SERPINB5: variants seen among roughly 807,000 people sequenced by gnomAD.
SERPINB5 encodes the protein serpin B5.
In SERPINB5, 27 loss-of-function variants were observed where a neutral mutation model predicts 32.2. The ratio of observed to expected loss-of-function variants is 0.84; its 90% CI spans 0.62 to 1.16. The LOEUF is 1.16. Ranked by LOEUF, SERPINB5 falls within the 50% of genes most tolerant of loss-of-function variation. SERPINB5 has a pLI of 0.00. For missense variants in SERPINB5, 388 were observed against 436.3 expected (o/e 0.89, Z 0.99); for synonymous variants, 154 against 157.4 (o/e 0.98, Z 0.16).
Position 63,499,202 on chromosome 18 carries a change from T to C in SERPINB5, c.650T>C (p.Ile217Thr), listed in dbSNP as rs767375798. ...ATTGACAGTATCAATTGTAAGATCA[T>C]AGAGCTTCCTTTTCAAAATAAGCAT... ...GNIDSINCKI[I>T]ELPFQNKHLS... Residue 217 changes from isoleucine (I) to threonine (T), a missense_variant, in exon 6 of 7, where the codon ATA becomes ACA. Coordinates refer to ENST00000382771, the MANE Select transcript of SERPINB5 (RefSeq NM_002639.5). 3.6e-5 allele frequency: 57 copies of C among 1,602,328 alleles called. No homozygotes were observed. In the South Asian group the frequency reaches 6.3e-4, roughly 18 times the overall value.
At chr18:63,499,059 A>C in intron 5 of SERPINB5, 61 bp from the exon 6 acceptor site, 2 of 739,922 alleles carry the variant, frequency 2.7e-6, no homozygotes, top group Non-Finnish European at 2.0e-6. Flanking sequence ...ATATATATAT[A>C]TATATATATT....
chr18:63,484,741 CTTTTTTT>C lies in SERPINB5; in HGVS notation c.168+161_168+167del, dbSNP rs869236018. On this transcript the variant is annotated intron_variant, in intron 2 of 6. Transcript: ENST00000382771. ...TGTGCCATTCCAGGACTCTCTTAAT[CTTTTTTT>C]TTTTTTTTTTTTTTTGTGAGACAGG... 92 of 108,184 alleles carry C rather than the reference CTTTTTTT, an allele frequency of 8.5e-4. 1 individual carries two copies. The highest frequency in any genetic ancestry group is 1.3e-3 in the South Asian group (7 of 5,392). The allele number at this position is 108,184 out of a possible 1,614,324, so 6.7% of individuals were successfully genotyped here. A position where few individuals can be genotyped will look rare whatever the true frequency, so the allele number is the denominator to read the frequency against.
intron 1 of SERPINB5, among the ~76,000 whole-genome samples, chr18:63,482,790 G>GAT (rs1296435293): frequency 4.0e-5 from 6 of 151,034 alleles, no homozygotes; most frequent in Non-Finnish European, 7.4e-5. Flanking sequence ...ATGAAAACCA[G>GAT]ACACATTTTG....
intron 3 of SERPINB5, among the ~76,000 whole-genome samples, chr18:63,487,712 T>C (rs1917238095): frequency 6.6e-6 from 1 of 152,188 alleles, no homozygotes; most frequent in Admixed American, 6.5e-5. Context: ...TGTTGTAATA[T>C]TTAAAAATCT....
At chr18:63,497,819 T>A (rs1909483278) in intron 5 of SERPINB5, among the ~76,000 whole-genome samples, 1 of 152,256 alleles carries the variant, frequency 6.6e-6, no homozygotes, top group East Asian at 1.9e-4. Context: ...GTGGTAACCA[T>A]TATTCTGAAT....
At chr18:63,496,003 A>G (rs1480214314) in intron 5 of SERPINB5, among the ~76,000 whole-genome samples, 2 of 152,312 alleles carry the variant, frequency 1.3e-5, no homozygotes, top group Non-Finnish European at 2.9e-5. Flanking sequence ...GTGAAGTTAT[A>G]TCATTAAAAG....
At chr18:63,484,399 T>C (rs2144495151) in intron 1 of SERPINB5, 23 bp from the exon 2 acceptor site, 1 of 1,593,920 alleles carries the variant, frequency 6.3e-7, no homozygotes, top group South Asian at 1.1e-5. Flanking sequence ...AGAAACTAAC[T>C]GCTCCCTTGT....
intron 5 of SERPINB5, among the ~76,000 whole-genome samples, chr18:63,496,050 C>T (rs1418026988): frequency 6.6e-6 from 1 of 152,036 alleles, no homozygotes; most frequent in African/African-American, 2.4e-5. Context: ...GATATCTATC[C>T]ATATATATCT....
intron 4 of SERPINB5, among the ~76,000 whole-genome samples, chr18:63,491,326 T>C (rs1599390409): frequency 7.4e-6 from 1 of 135,638 alleles, no homozygotes; most frequent in Non-Finnish European, 1.5e-5. Context: ...CGCTTGAACC[T>C]GGGAGGCGGA....
At chr18:63,488,194 A>G (rs758059221) in intron 3 of SERPINB5, among the ~76,000 whole-genome samples, 22 of 152,212 alleles carry the variant, frequency 1.4e-4, no homozygotes, top group Non-Finnish European at 2.4e-4. Flanking sequence ...TGGTTCTGTC[A>G]GTCAATGGTG....
chr18:63,479,576 G>A (rs1917093024), intron 1 of SERPINB5, among the ~76,000 whole-genome samples: 1 of 152,124 alleles, frequency 6.6e-6, no homozygotes, highest in South Asian at 2.1e-4. Context: ...TCTCTGAGGA[G>A]GTGTCACTGA....
chr18:63,497,127 CT>C, intron 5 of SERPINB5: 1 of 628,304 alleles, frequency 1.6e-6, no homozygotes, highest in South Asian at 1.4e-5. Context: ...CAGCTCCCCA[CT>C]TTAGGTGTGG....
intron 3 of SERPINB5, among the ~76,000 whole-genome samples, chr18:63,487,793 G>T (rs1007022062): frequency 6.6e-6 from 1 of 152,120 alleles, no homozygotes; most frequent in African/African-American, 2.4e-5. Flanking sequence ...ACACAGAGTT[G>T]ATTTAGTTCC....
chr18:63,491,566 C>T (rs1397485131), intron 4 of SERPINB5, among the ~76,000 whole-genome samples: 2 of 151,528 alleles, frequency 1.3e-5, no homozygotes, highest in African/African-American at 4.9e-5. Context: ...CCTCCGCCTC[C>T]CAGGTTCAAG....
intron 4 of SERPINB5, 21 bp from the exon 5 acceptor site, chr18:63,492,932 G>GT: frequency 6.2e-7 from 1 of 1,602,210 alleles, no homozygotes; most frequent in Non-Finnish European, 8.5e-7. Flanking sequence ...TGCTACTTGT[G>GT]TTTTCCTAAA....
chr18:63,485,545 A>AGGAGAT (rs1239548544), intron 2 of SERPINB5: 1 of 152,208 alleles, frequency 6.6e-6, no homozygotes, highest in Non-Finnish European at 1.5e-5. Flanking sequence ...TCCTGTGAAG[A>AGGAGAT]GGAGATGTAT....
At position 63,481,805 on chromosome 18, in the gene SERPINB5, T is replaced by C. The variant is rs545243857; in HGVS notation, c.-7-2617T>C. The stretch of plus-strand genomic sequence containing the variant: ...ACAGGCTTTCATTTTTGCCTCAGTA[T>C]ACCCTGCTGACCTCAGTATACACCT... On this transcript the variant is annotated intron_variant, in intron 1 of 6. Coordinates refer to ENST00000382771, the MANE Select transcript of SERPINB5 (RefSeq NM_002639.5). Among the ~76,000 whole-genome samples, 82 of 152,310 alleles carry C rather than the reference T, an allele frequency of 5.4e-4. 2 individuals are homozygous for C. In the South Asian group the frequency reaches 0.017, roughly 31 times the overall value.
chr18:63,497,391 C>T (rs904249100), intron 5 of SERPINB5: 19 of 1,248,460 alleles, frequency 1.5e-5, no homozygotes, highest in South Asian at 1.1e-4. Context: ...TTATCCTCTT[C>T]GCCATGTGAA....
In SERPINB5 at chr18:63,491,657, T is replaced by C. The variant is rs918626202; in HGVS notation, c.425-1296T>C. ...GCCCAGCTAATCTTTGTATTTTTAG[T>C]AGAGATGGGGTTTCACCATGTTGGC... On this transcript the variant is annotated intron_variant, in intron 4 of 6. Coordinates refer to ENST00000382771, the MANE Select transcript of SERPINB5 (RefSeq NM_002639.5). 1.1e-4 allele frequency among the ~76,000 whole-genome samples: 17 copies of C among 151,934 alleles called. 1 individual carries two copies. The Middle Eastern group carries it at 0.014, about 122-fold the overall frequency.
Sources: allele counts gnomAD v4.1 joint callset (sites outside exome capture counted in the v4.1 genomes callset), GRCh38; gene constraint gnomAD v4.1.1; transcripts MANE v1.5; gene names NCBI Gene and HGNC (gene_info 2026-07-23, HGNC 2026-07-21).